GRIN2B: variants seen among roughly 807,000 people sequenced by gnomAD.
GRIN2B encodes the protein glutamate ionotropic receptor NMDA type subunit 2B.
A neutral mutation model predicts 114.5 loss-of-function variants in GRIN2B; 5 were observed. That is an observed-to-expected ratio of 0.04 (90% CI 0.02 to 0.09). The LOEUF (loss-of-function observed/expected upper bound fraction) is 0.09. Among genes scored for constraint, GRIN2B ranks in the 10% least tolerant of loss-of-function variants. GRIN2B has a pLI of 1.00. For synonymous variants in GRIN2B, 787 were observed against 745.1 expected (o/e 1.06, Z -0.92); for missense variants, 1,108 against 1,943.5 (o/e 0.57, Z 8.08).
rs776104017 is a variant in GRIN2B at position 13,554,843 on chromosome 12, G to T, written c.*7940C>A. The T allele has an allele frequency of 5.9e-5, 9 of 152,164 alleles. No individual in the cohort carries two copies. The highest frequency in any genetic ancestry group is 8.8e-5 in the Non-Finnish European group (6 of 68,020). The allele number at this position is 152,164 out of a possible 1,614,324, so 9.4% of individuals were successfully genotyped here. Reference sequence around the variant, plus strand: ...TGGAGGAGGCAAAAGTGCCTGAAAAGCTTGAGTTCGGTGACGGAAGACATG... The same window carrying T: ...TGGAGGAGGCAAAAGTGCCTGAAAATCTTGAGTTCGGTGACGGAAGACATG... On this transcript the variant is annotated 3_prime_UTR_variant, in exon 14 of 14. Coordinates refer to ENST00000609686, the MANE Select transcript of GRIN2B (RefSeq NM_000834.5).
At chr12:13,604,508 A>G (rs1347315147) in intron 10 of GRIN2B, among the ~76,000 whole-genome samples, 2 of 152,236 alleles carry the variant, frequency 1.3e-5, no homozygotes, top group Non-Finnish European at 2.9e-5. Context: ...CATCATCTGT[A>G]ATAGTCAAAA....
At chr12:13,882,681 A>C (rs1195620338) in intron 2 of GRIN2B, among the ~76,000 whole-genome samples, 2 of 152,210 alleles carry the variant, frequency 1.3e-5, no homozygotes, top group Non-Finnish European at 2.9e-5. Context: ...TGTTATTACT[A>C]AATGGGCCTG....
rs534297359 is a variant in GRIN2B at position 13,867,334 on chromosome 12, T to C, written c.-18-1108A>G. On this transcript the variant is annotated intron_variant, in intron 2 of 13. Transcript: ENST00000609686. ...TCTATGCATCAAACTAAGGACATAA[T>C]GCTCTATAGAATATAAGCCTTGGCC... Among the ~76,000 whole-genome samples the C allele has an allele frequency of 1.3e-3, 194 of 152,348 alleles. 2 individuals are homozygous for C. Among genetic ancestry groups the C allele is most frequent in the Non-Finnish European group, 2.2e-3 (149 of 68,032 alleles).
rs1347994627 is a variant in GRIN2B, at chr12:13,542,974, A to C, written c.*19809T>G. On this transcript the variant is annotated 3_prime_UTR_variant, in exon 14 of 14. Transcript: ENST00000609686. ...TCCCTCCTTTTTAAAAAAAAATAAC[A>C]TGCAACAACCATAAAATCCAGCTTT... 2 of 151,936 alleles carry C rather than the reference A, an allele frequency of 1.3e-5. No homozygotes were observed. The highest frequency in any genetic ancestry group is 4.8e-5 in the African/African-American group (2 of 41,344). 9.4% of individuals were successfully genotyped at this position (151,936 alleles called of 1,614,324 possible).
At chr12:13,607,407 A>ATT (rs1565473834) in intron 10 of GRIN2B, among the ~76,000 whole-genome samples, 4 of 74,394 alleles carry the variant, frequency 5.4e-5, no homozygotes, top group African/African-American at 2.4e-4. Flanking sequence ...TATAATATAT[A>ATT]AAATATATAA....
intron 2 of GRIN2B, among the ~76,000 whole-genome samples, chr12:13,960,457 G>T (rs1339310442): frequency 6.6e-6 from 1 of 152,080 alleles, no homozygotes; most frequent in Non-Finnish European, 1.5e-5. Flanking sequence ...TTACCAAAAG[G>T]CTCTACTGCC....
At chr12:13,953,861 A>C (rs932083889) in intron 2 of GRIN2B, among the ~76,000 whole-genome samples, 15 of 152,162 alleles carry the variant, frequency 9.9e-5, no homozygotes, top group Non-Finnish European at 5.9e-5. Context: ...TTTGTCCCTG[A>C]TTCCCAGCAT....
At chr12:13,791,457 A>T (rs920912840) in intron 3 of GRIN2B, among the ~76,000 whole-genome samples, 23 of 128,552 alleles carry the variant, frequency 1.8e-4, no homozygotes, top group African/African-American at 3.3e-4. Flanking sequence ...GTCTCAAAAA[A>T]AAAAATAAAA....
chr12:13,972,776 T>C (rs1981782), intron 2 of GRIN2B, among the ~76,000 whole-genome samples: 31,513 of 152,236 alleles, frequency 0.21, 4,249 homozygotes, highest in Non-Finnish European at 0.29. Context: ...AGCATTATTG[T>C]TCTATTATCC....
chr12:13,554,421 G>A lies in GRIN2B; in HGVS notation c.*8362C>T, dbSNP rs908414782. 21 of 152,340 alleles carry A rather than the reference G, an allele frequency of 1.4e-4. No individual in the cohort carries two copies. Among genetic ancestry groups the A allele is most frequent in the Non-Finnish European group, 2.8e-4 (19 of 68,038 alleles). The allele number at this position is 152,340 out of a possible 1,614,324, so 9.4% of individuals were successfully genotyped here. On this transcript the variant is annotated 3_prime_UTR_variant, in exon 14 of 14. Coordinates refer to ENST00000609686, the MANE Select transcript of GRIN2B (RefSeq NM_000834.5). ...ATTATTCAAGAAGGGAGTGAGATGG[G>A]AGATAGGAAGGAGAGTATTTTGGAC... is the stretch of plus-strand genomic sequence containing the variant.
At chr12:13,771,771 A>G (rs1215633994) in intron 3 of GRIN2B, among the ~76,000 whole-genome samples, 1 of 152,226 alleles carries the variant, frequency 6.6e-6, no homozygotes, top group Admixed American at 6.5e-5. Flanking sequence ...TTCATTTCAT[A>G]TTGGTTTACA....
At chr12:13,606,100 T>C (rs10845809) in intron 10 of GRIN2B, among the ~76,000 whole-genome samples, 11,130 of 152,198 alleles carry the variant, frequency 0.073, 593 homozygotes, top group South Asian at 0.14. Context: ...GCCATACCTC[T>C]GACAAGTCTA....
chr12:13,910,576 C>T (rs1383079559), intron 2 of GRIN2B, among the ~76,000 whole-genome samples: 1 of 152,112 alleles, frequency 6.6e-6, no homozygotes, highest in East Asian at 1.9e-4. Flanking sequence ...CTTTTCTGGC[C>T]AGGATTATTG....
Position 13,537,910 on chromosome 12 carries a change from A to G in GRIN2B, c.*24873T>C, listed in dbSNP as rs1049921972. The G allele has an allele frequency of 6.6e-6, 1 of 152,180 alleles. No homozygotes were observed. The highest frequency in any genetic ancestry group is 1.5e-5 in the Non-Finnish European group (1 of 68,024). 9.4% of individuals were successfully genotyped at this position (152,180 alleles called of 1,614,324 possible). On this transcript the variant is annotated 3_prime_UTR_variant, in exon 14 of 14. Transcript: ENST00000609686. ...TCTAGATGATTTGATGCAGGCCACA[A>G]ATGATAGCTTTGGCATAATTTTTTT...
chr12:13,762,579 C>T (rs377372347), intron 3 of GRIN2B, among the ~76,000 whole-genome samples: 12 of 152,278 alleles, frequency 7.9e-5, no homozygotes, highest in African/African-American at 2.4e-4. Flanking sequence ...AGCAGAGAAG[C>T]GGAAGGGTAG....
chr12:13,883,564 T>A (rs1199487039), intron 2 of GRIN2B, among the ~76,000 whole-genome samples: 1 of 152,162 alleles, frequency 6.6e-6, no homozygotes, highest in African/African-American at 2.4e-5. Context: ...GATGTGAAAA[T>A]TTTTTTCAAT....
intron 4 of GRIN2B, among the ~76,000 whole-genome samples, chr12:13,703,032 G>A (rs181938665): frequency 1.1e-3 from 168 of 152,272 alleles, no homozygotes; most frequent in African/African-American, 3.9e-3. Flanking sequence ...TGGAGGAATG[G>A]ACACGTTAAA....
At chr12:13,764,999 G>A (rs991219850) in intron 3 of GRIN2B, among the ~76,000 whole-genome samples, 4 of 152,152 alleles carry the variant, frequency 2.6e-5, no homozygotes, top group Admixed American at 6.5e-5. Context: ...ATGCAGTCTC[G>A]TTATCTTTAG....
chr12:13,808,770 T>TATATATATATATATAC (rs1491493981), intron 3 of GRIN2B, among the ~76,000 whole-genome samples: 2 of 141,418 alleles, frequency 1.4e-5, no homozygotes, highest in East Asian at 4.1e-4. Context: ...TATATATATA[T>TATATATATATATATAC]ACATATAAAA....
Sources: gnomAD v4.1 joint callset for allele counts (sites outside exome capture counted in the v4.1 genomes callset) on GRCh38, gnomAD v4.1.1 for gene constraint, MANE v1.5 for transcripts, NCBI Gene and HGNC (gene_info 2026-07-23, HGNC 2026-07-21) for gene names.